The following CCDC158 variants were observed in gnomAD, a reference collection of about 807,000 sequenced individuals.
The protein encoded by CCDC158 is coiled-coil domain containing 158.
CCDC158 carries 116 observed loss-of-function variants against 138.6 expected under a neutral mutation model. The observed-to-expected ratio is 0.84, with a 90% CI of 0.72 to 0.98. The LOEUF is 0.98. Ranked by LOEUF, CCDC158 falls within the 50% of genes least tolerant of loss-of-function variation. The pLI, the probability that CCDC158 is intolerant of heterozygous loss-of-function variation, is 0.00. For missense variants in CCDC158, 1,265 were observed against 1,306.1 expected (o/e 0.97, Z 0.48); for synonymous variants, 436 against 442.4 (o/e 0.99, Z 0.18).
At chr4:76,330,713 T>C (rs1475338297) in intron 21 of CCDC158, among the ~76,000 whole-genome samples, 2 of 152,196 alleles carry the variant, frequency 1.3e-5, no homozygotes, top group African/African-American at 4.8e-5. Context: ...TATTAGGTAT[T>C]ATAAGTAATC....
At chr4:76,391,758 T>G (rs1727332769) in intron 4 of CCDC158, among the ~76,000 whole-genome samples, 1 of 150,856 alleles carries the variant, frequency 6.6e-6, no homozygotes, top group Non-Finnish European at 1.5e-5. Context: ...TAAACAAAAT[T>G]GACAAACCTT....
At chr4:76,399,849 T>A (rs1470917341) in intron 3 of CCDC158, among the ~76,000 whole-genome samples, 1 of 152,108 alleles carries the variant, frequency 6.6e-6, no homozygotes. Flanking sequence ...CTGAGCCAGA[T>A]CTCTGAAGGG....
chr4:76,413,309 AC>A (rs1388608519), intron 1 of CCDC158, among the ~76,000 whole-genome samples: 1 of 151,912 alleles, frequency 6.6e-6, no homozygotes, highest in African/African-American at 2.4e-5. Context: ...TCCCGTCTCT[AC>A]AAAAAATTTT....
At chr4:76,321,225 CT>C (rs1375494132) in intron 24 of CCDC158, among the ~76,000 whole-genome samples, 1 of 152,116 alleles carries the variant, frequency 6.6e-6, no homozygotes, top group Non-Finnish European at 1.5e-5. Flanking sequence ...CTACCTACTC[CT>C]GCAAGAATGG....
chr4:76,420,027 A>G (rs1005459130), intron 1 of CCDC158, among the ~76,000 whole-genome samples: 2 of 151,112 alleles, frequency 1.3e-5, no homozygotes, highest in African/African-American at 4.9e-5. Context: ...GCTGTCCTCA[A>G]TTTGTTTTGG....
chr4:76,344,660 A>G (rs1722373162), intron 18 of CCDC158: 6 of 1,610,444 alleles, frequency 3.7e-6, no homozygotes, highest in Non-Finnish European at 5.1e-6. Context: ...CAAAGACCAC[A>G]CTGCCCATGT....
rs1466409151 is a variant in CCDC158, at chr4:76,367,452, T to C, written c.1672A>G (p.Thr558Ala). ...TECEALKLQMTEKDKVIEILR... is the reference protein window; with the variant it reads ...TECEALKLQMAEKDKVIEILR... ...ATCTCGATCACCTTGTCCTTCTCTG[T>C]CATCTGCAGTTTGAGGGCCTCACAT... The change falls in exon 12 of 25, where the codon ACA (threonine) becomes GCA (alanine). Residue 558 changes from threonine to alanine, a missense_variant. Coordinates refer to ENST00000682701, the MANE Select transcript of CCDC158 (RefSeq NM_001394954.1). 6 of 1,614,248 alleles carry C rather than the reference T, an allele frequency of 3.7e-6. No homozygotes were observed. The highest frequency in any genetic ancestry group is 4.2e-6 in the Non-Finnish European group (5 of 1,180,044).
chr4:76,395,232 T>A (rs1447096819), intron 4 of CCDC158, among the ~76,000 whole-genome samples: 1 of 152,204 alleles, frequency 6.6e-6, no homozygotes, highest in East Asian at 1.9e-4. Flanking sequence ...AATGCCACTG[T>A]TTATATGACA....
At chr4:76,379,236 A>T in intron 9 of CCDC158, 54 bp downstream of exon 9, 10 of 971,500 alleles carry the variant, frequency 1.0e-5, no homozygotes, top group Non-Finnish European at 1.5e-5. Flanking sequence ...CTAATATAAT[A>T]TTGATTCTGG....
At chr4:76,417,252 T>A (rs939612332) in intron 1 of CCDC158, among the ~76,000 whole-genome samples, 8 of 152,238 alleles carry the variant, frequency 5.3e-5, no homozygotes, top group African/African-American at 1.9e-4. Flanking sequence ...AGAATGGCTA[T>A]ATGTACCCAA....
intron 3 of CCDC158, among the ~76,000 whole-genome samples, chr4:76,397,009 A>G (rs999064826): frequency 6.6e-6 from 1 of 152,102 alleles, no homozygotes; most frequent in African/African-American, 2.4e-5. Flanking sequence ...CCTTCTTGGG[A>G]GAAGGTGAAT....
intron 18 of CCDC158, among the ~76,000 whole-genome samples, chr4:76,347,671 C>T (rs1312746262): frequency 1.3e-5 from 2 of 151,958 alleles, no homozygotes; most frequent in South Asian, 2.1e-4. Context: ...CAAACCTGCA[C>T]GTTCTGCACA....
intron 2 of CCDC158, among the ~76,000 whole-genome samples, chr4:76,409,727 A>G (rs189126239): frequency 7.0e-4 from 107 of 152,242 alleles, no homozygotes; most frequent in African/African-American, 2.5e-3. Flanking sequence ...GCTATTCGGG[A>G]GGCTGAGGCA....
chr4:76,366,724 A>G (rs960282622), intron 12 of CCDC158, among the ~76,000 whole-genome samples: 1 of 152,132 alleles, frequency 6.6e-6, no homozygotes, highest in Middle Eastern at 3.2e-3. Context: ...TCAGAAGGAG[A>G]CCAAAACAGG....
intron 2 of CCDC158, chr4:76,407,301 C>T (rs541203359): frequency 2.8e-4 from 43 of 152,126 alleles, no homozygotes; most frequent in Admixed American, 2.6e-3. Context: ...TAATATGCTT[C>T]GTGCTATCGT....
At position 76,323,374 on chromosome 4, in the gene CCDC158, T is replaced by C; in HGVS notation, c.3205A>G (p.Thr1069Ala). Reference protein sequence around the residue: ...QSPPIETTGKTCRKLQNRLES... With the variant: ...QSPPIETTGKACRKLQNRLES... ...AGTCTGTTCTGAAGCTTCCTGCATGTTTTTCCTGTTGTTTCTATTGGCGGA... is the reference window on the plus strand; with the variant it reads ...AGTCTGTTCTGAAGCTTCCTGCATGCTTTTCCTGTTGTTTCTATTGGCGGA... Residue 1069 changes from threonine to alanine, a missense_variant, in exon 24 of 25, where the codon ACA becomes GCA. Physicochemically the swap from Thr to Ala is moderately conservative, Grantham distance 58 (BLOSUM62 0). Transcript: ENST00000682701. 3.1e-6 allele frequency: 5 copies of C among 1,611,890 alleles called. No homozygotes were observed. The highest frequency in any genetic ancestry group is 4.2e-6 in the Non-Finnish European group (5 of 1,178,946).
In CCDC158 at chr4:76,362,118, C is replaced by A. The variant is rs572537107; in HGVS notation, c.2020+8G>T. On this transcript the variant is annotated splice_region_variant and intron_variant, in intron 13 of 24. Transcript: ENST00000682701. ...TTTTTTAGTAGGATTTGTGCTGAAG[C>A]AACATACCTGAAAGATTGTTTAATT... The A allele has an allele frequency of 2.5e-6, 4 of 1,610,836 alleles. No homozygotes were observed. In the African/African-American group the frequency reaches 5.3e-5, roughly 21 times the overall value.
intron 21 of CCDC158, 31 bp downstream of exon 21, chr4:76,331,313 C>A (rs773078008): frequency 6.3e-7 from 1 of 1,588,200 alleles, no homozygotes; most frequent in East Asian, 2.2e-5. Context: ...GTAAAAGGGA[C>A]ATTTTGAAAA....
chr4:76,359,641 G>C (rs752835440), intron 13 of CCDC158, among the ~76,000 whole-genome samples: 1 of 152,228 alleles, frequency 6.6e-6, no homozygotes, highest in Non-Finnish European at 1.5e-5. Flanking sequence ...GAACTTGAGA[G>C]AGATGATTTA....
Sources: gnomAD v4.1 joint callset for allele counts (sites outside exome capture counted in the v4.1 genomes callset) on GRCh38, gnomAD v4.1.1 for gene constraint, MANE v1.5 for transcripts, NCBI Gene and HGNC (gene_info 2026-07-23, HGNC 2026-07-21) for gene names.